Variants in CDKN2AIPNL observed in about 807,000 individuals in gnomAD.
CDKN2AIPNL encodes the protein XRN2 binding domain containing 1, also known as CDKN2AIP N-terminal-like protein.
Under a neutral mutation model 12.9 loss-of-function variants are expected in CDKN2AIPNL, and 9 were observed. The observed-to-expected ratio is 0.70, with a 90% CI of 0.42 to 1.22. The LOEUF (loss-of-function observed/expected upper bound fraction) is 1.22. Among genes scored for constraint, CDKN2AIPNL ranks in the 50% most tolerant of loss-of-function variants. CDKN2AIPNL has a pLI of 0.00. For missense variants in CDKN2AIPNL, 143 were observed against 153.6 expected (o/e 0.93, Z 0.37); for synonymous variants, 53 against 61.7 (o/e 0.86, Z 0.66).
intron 2 of CDKN2AIPNL, among the ~76,000 whole-genome samples, chr5:134,408,079 T>A (rs1759132139): frequency 6.6e-6 from 1 of 151,408 alleles, no homozygotes; most frequent in Admixed American, 6.6e-5. Flanking sequence ...TGCAGTGAGC[T>A]GAGATCGTGC....
At position 134,411,838 on chromosome 5, in the gene CDKN2AIPNL, G is replaced by A. The variant is rs554173971; in HGVS notation, c.17C>T (p.Ala6Val). The A allele has an allele frequency of 1.4e-5, 22 of 1,569,596 alleles. No homozygotes were observed. The South Asian group carries it at 2.3e-4, about 16-fold the overall frequency. Residue 6 changes from alanine to valine, a missense_variant, in exon 1 of 3, where the codon GCG becomes GTG. By Grantham distance (64) the Ala-to-Val change is moderately conservative (BLOSUM62 0). Around this residue, in one of 3 missense-constraint regions of CDKN2AIPNL, gnomAD observed 30 missense variants for 25.2 expected, o/e 1.19. Coordinates refer to ENST00000458198, the MANE Select transcript of CDKN2AIPNL (RefSeq NM_080656.3). ...AACCAGCTCCTCCACTGCGGCAGCC[G>A]CCTCGCCACCGACCATGGTGCCCGC... MVGGEAAAAVEELVSG... is the reference protein window; with the variant it reads MVGGEVAAAVEELVSG...
chr5:134,405,830 T>TTCC (rs1759095892), intron 2 of CDKN2AIPNL, among the ~76,000 whole-genome samples: 1 of 152,178 alleles, frequency 6.6e-6, no homozygotes, highest in Admixed American at 6.5e-5. Flanking sequence ...TAATGATAGC[T>TTCC]TCCTAGTCAA....
chr5:134,402,749 A>C lies in CDKN2AIPNL; in HGVS notation c.*166T>G, dbSNP rs1483782515. The C allele has an allele frequency of 5.8e-6, 3 of 512,938 alleles. No individual in the cohort carries two copies. Among genetic ancestry groups the C allele is most frequent in the Non-Finnish European group, 1.0e-5 (3 of 291,988 alleles). The allele number at this position is 512,938 out of a possible 1,614,324, so 31.8% of individuals were successfully genotyped here. A position where few individuals can be genotyped will look rare whatever the true frequency, so the allele number is the denominator to read the frequency against. On this transcript the variant is annotated 3_prime_UTR_variant, in exon 3 of 3. Transcript: ENST00000458198. ...TACAGTGATAACTCCTGGGAAAATG[A>C]GAATGTTAAAAAAGCCAATCTAGAC...
At chr5:134,405,250 C>T (rs1306303054) in intron 2 of CDKN2AIPNL, among the ~76,000 whole-genome samples, 10 of 151,014 alleles carry the variant, frequency 6.6e-5, no homozygotes, top group South Asian at 2.1e-4. Context: ...GGACTACAGG[C>T]GCCCGCCACC....
chr5:134,403,319 C>T (rs1335199245), intron 2 of CDKN2AIPNL, among the ~76,000 whole-genome samples: 2 of 152,188 alleles, frequency 1.3e-5, no homozygotes, highest in Non-Finnish European at 2.9e-5. Flanking sequence ...CACATTGAGT[C>T]AGGATATTTA....
At position 134,402,620 on chromosome 5, in the gene CDKN2AIPNL, A is replaced by G. The variant is rs908254803; in HGVS notation, c.*295T>C. The stretch of plus-strand genomic sequence containing the variant: ...GGCGACAGAGTGAGACCTTGTCGAT[A>G]AGAAAAAAAAAAACCTGAAAACAGA... On this transcript the variant is annotated 3_prime_UTR_variant, in exon 3 of 3. Transcript: ENST00000458198. The G allele has an allele frequency of 1.8e-5, 5 of 280,736 alleles. No individual in the cohort carries two copies. The highest frequency in any genetic ancestry group is 3.3e-5 in the Non-Finnish European group (5 of 151,450). The allele number at this position is 280,736 out of a possible 1,614,324, so 17.4% of individuals were successfully genotyped here. A position where few individuals can be genotyped will look rare whatever the true frequency, so the allele number is the denominator to read the frequency against.
At chr5:134,403,290 G>A (rs1263294519) in intron 2 of CDKN2AIPNL, among the ~76,000 whole-genome samples, 1 of 152,216 alleles carries the variant, frequency 6.6e-6, no homozygotes, top group African/African-American at 2.4e-5. Context: ...GTCAGTTCAG[G>A]TAGTAATTCA....
intron 2 of CDKN2AIPNL, among the ~76,000 whole-genome samples, chr5:134,406,317 T>C (rs903365081): frequency 2.0e-5 from 3 of 152,222 alleles, no homozygotes; most frequent in African/African-American, 7.2e-5. Flanking sequence ...AACTAAACTC[T>C]AATTTTTTAG....
At chr5:134,407,256 A>AACACACACACACACACACACACACAC (rs5871539) in intron 2 of CDKN2AIPNL, among the ~76,000 whole-genome samples, 1 of 139,610 alleles carries the variant, frequency 7.2e-6, no homozygotes, top group Non-Finnish European at 1.5e-5. Flanking sequence ...GACCCTTCCT[A>AACACACACACACACACACACACACAC]ACACACACAC....
At chr5:134,407,768 C>CA (rs749911435) in intron 2 of CDKN2AIPNL, among the ~76,000 whole-genome samples, 2,331 of 84,868 alleles carry the variant, frequency 0.027, 43 homozygotes, top group African/African-American at 0.078. Flanking sequence ...AACTCCATCT[C>CA]AAAAAAAAAA....
At chr5:134,407,647 C>T (rs1290481261) in intron 2 of CDKN2AIPNL, among the ~76,000 whole-genome samples, 6 of 151,748 alleles carry the variant, frequency 4.0e-5, no homozygotes, top group Admixed American at 3.3e-4. Context: ...TGGTGGCAGG[C>T]GCCTGTAATC....
Position 134,402,857 on chromosome 5 carries a change from A to C in CDKN2AIPNL, c.*58T>G. The C allele has an allele frequency of 6.5e-7, 1 of 1,548,298 alleles. No homozygotes were observed. Among genetic ancestry groups the C allele is most frequent in the Middle Eastern group, 1.9e-4 (1 of 5,286 alleles). On this transcript the variant is annotated 3_prime_UTR_variant, in exon 3 of 3. Coordinates refer to ENST00000458198, the MANE Select transcript of CDKN2AIPNL (RefSeq NM_080656.3). ...AGCTGCTGTGGTCTATGTCACATTCATCCCAGCCTCCTTTCTAATCCTGTA... is the reference window on the plus strand; with the variant it reads ...AGCTGCTGTGGTCTATGTCACATTCCTCCCAGCCTCCTTTCTAATCCTGTA...
At chr5:134,409,035 A>C (rs947232058) in intron 2 of CDKN2AIPNL, among the ~76,000 whole-genome samples, 2 of 152,150 alleles carry the variant, frequency 1.3e-5, no homozygotes, top group Non-Finnish European at 2.9e-5. Context: ...TATGTTTCTA[A>C]GGGCAGACCT....
chr5:134,409,795 G>A, intron 2 of CDKN2AIPNL, 108 bp downstream of exon 2: 1 of 647,600 alleles, frequency 1.5e-6, no homozygotes. Flanking sequence ...ATAGGTCTTT[G>A]GGGCAGTAAA....
intron 1 of CDKN2AIPNL, chr5:134,410,531 A>G (rs1759176162): frequency 6.0e-6 from 1 of 165,374 alleles, no homozygotes; most frequent in Admixed American, 5.7e-5. Flanking sequence ...CCAGCAACAG[A>G]TATTCTCAGA....
rs370576062 is a variant in CDKN2AIPNL at position 134,411,038 on chromosome 5, G to A, written c.239+578C>T. 5.0e-5 allele frequency: 35 copies of A among 702,378 alleles called. No individual in the cohort carries two copies. The East Asian group carries it at 5.6e-4, about 11-fold the overall frequency. 43.5% of individuals were successfully genotyped at this position (702,378 alleles called of 1,614,324 possible). A position where few individuals can be genotyped will look rare whatever the true frequency, so the allele number is the denominator to read the frequency against. On this transcript the variant is annotated intron_variant, in intron 1 of 2. Coordinates refer to ENST00000458198, the MANE Select transcript of CDKN2AIPNL (RefSeq NM_080656.3). The stretch of plus-strand genomic sequence containing the variant: ...AAGGCATCGGCCATTTTCATAAGAG[G>A]GAAAGCAGAGAGGTGAAGCTGGTTC...
At chr5:134,409,131 C>T (rs1759152285) in intron 2 of CDKN2AIPNL, among the ~76,000 whole-genome samples, 2 of 152,140 alleles carry the variant, frequency 1.3e-5, no homozygotes, top group South Asian at 2.1e-4. Context: ...TATAAGTATA[C>T]TAGGTTTGGG....
chr5:134,407,992 A>G (rs1360045034), intron 2 of CDKN2AIPNL, among the ~76,000 whole-genome samples: 6 of 151,894 alleles, frequency 4.0e-5, no homozygotes, highest in Admixed American at 3.3e-4. Flanking sequence ...TTAGCTGGGT[A>G]TGGTGGCACC....
chr5:134,411,300 T>C lies in CDKN2AIPNL; in HGVS notation c.239+316A>G, dbSNP rs541178528. 3.9e-5 allele frequency among the ~76,000 whole-genome samples: 6 copies of C among 152,324 alleles called. No individual in the cohort carries two copies. The East Asian group carries it at 9.6e-4, about 24-fold the overall frequency. ...CTTCGAATGCATACTGCAAAGGTGA[T>C]GGTTTGAGCTAATAATAATAGTAAT... On this transcript the variant is annotated intron_variant, in intron 1 of 2. Coordinates refer to ENST00000458198, the MANE Select transcript of CDKN2AIPNL (RefSeq NM_080656.3).
Sources: allele counts gnomAD v4.1 joint callset (sites outside exome capture counted in the v4.1 genomes callset), GRCh38; gene constraint gnomAD v4.1.1; regional missense constraint gnomAD v4.1.1; transcripts MANE v1.5; gene names NCBI Gene and HGNC (gene_info 2026-07-23, HGNC 2026-07-21).